The following PARM1 variants were observed in gnomAD, a reference collection of about 807,000 sequenced individuals.
PARM1 encodes WSC4, cell wall integrity and stress response component 4 homolog.
In PARM1, 14 loss-of-function variants were observed where a neutral mutation model predicts 24.6. The ratio of observed to expected loss-of-function variants is 0.57; its 90% confidence interval spans 0.38 to 0.89. The LOEUF (loss-of-function observed/expected upper bound fraction) is 0.89. Among genes scored for constraint, PARM1 ranks in the 40% least tolerant of loss-of-function variants. PARM1 has a pLI of 0.00. For missense variants in PARM1, 362 were observed against 380.4 expected, an observed-to-expected ratio of 0.95 and a Z score of 0.40; for synonymous variants, 179 against 156.6, an observed-to-expected ratio of 1.14 and a Z score of -1.07.
At position 75,020,004 on chromosome 4, in the gene PARM1, C is replaced by T. The variant is rs572275201; in HGVS notation, c.769+6854C>T. ...CGGCCTGGGCGACAGAACGAGACTC[C>T]GTCTCAAAAAAAAAAAAAAAAAAAA... On this transcript the variant is annotated intron_variant, in intron 2 of 3. Coordinates refer to ENST00000307428, the MANE Select transcript of PARM1 (RefSeq NM_015393.4). Among the ~76,000 whole-genome samples the T allele has an allele frequency of 4.3e-3, 430 of 100,468 alleles. 9 individuals are homozygous for T. Among genetic ancestry groups the T allele is most frequent in the Admixed American group, 0.036 (269 of 7,470 alleles). The allele number at this position is 100,468 out of a possible 152,430, so 65.9% of individuals were successfully genotyped here.
intron 1 of PARM1, among the ~76,000 whole-genome samples, chr4:74,983,633 C>T (rs552850708): frequency 6.6e-6 from 1 of 152,216 alleles, no homozygotes; most frequent in African/African-American, 2.4e-5. Context: ...TCCCCTCCTG[C>T]TCCCATGTAC....
chr4:75,030,401 C>G (rs552876171), intron 2 of PARM1, among the ~76,000 whole-genome samples: 1 of 152,106 alleles, frequency 6.6e-6, no homozygotes, highest in Non-Finnish European at 1.5e-5. Context: ...TGTGCATAGT[C>G]TCAGCCCAAA....
intron 3 of PARM1, among the ~76,000 whole-genome samples, chr4:75,041,746 A>G (rs1306917405): frequency 2.0e-5 from 3 of 152,134 alleles, no homozygotes; most frequent in Admixed American, 2.0e-4. Context: ...GTCACCAAGT[A>G]GGGGCAGGGA....
At chr4:74,975,671 A>G (rs899396514) in intron 1 of PARM1, among the ~76,000 whole-genome samples, 6 of 152,240 alleles carry the variant, frequency 3.9e-5, no homozygotes, top group African/African-American at 1.4e-4. Context: ...TGGTAGTTCA[A>G]CAACTTCTGT....
At chr4:75,031,668 A>C (rs2109807801) in intron 2 of PARM1, among the ~76,000 whole-genome samples, 1 of 152,338 alleles carries the variant, frequency 6.6e-6, no homozygotes, top group African/African-American at 2.4e-5. Context: ...CTTTGAAAAA[A>C]GGCCAAACCT....
At chr4:74,988,820 G>A (rs1233763560) in intron 1 of PARM1, among the ~76,000 whole-genome samples, 1 of 152,112 alleles carries the variant, frequency 6.6e-6, no homozygotes, top group Non-Finnish European at 1.5e-5. Flanking sequence ...AGGCAAAATG[G>A]GCCTGAGAGA....
intron 1 of PARM1, among the ~76,000 whole-genome samples, chr4:74,938,567 G>A (rs1216232448): frequency 6.6e-6 from 1 of 152,154 alleles, no homozygotes; most frequent in Non-Finnish European, 1.5e-5. Flanking sequence ...TTTGCTTTTT[G>A]CCTAGAAATA....
chr4:74,933,468 GC>G, intron 1 of PARM1, 98 bp downstream of exon 1: 5 of 1,032,104 alleles, frequency 4.8e-6, no homozygotes, highest in Non-Finnish European at 7.6e-6. Flanking sequence ...GCAGTGAGTC[GC>G]CGCGCGCCTC....
At chr4:75,044,315 G>A (rs1202031710) in intron 3 of PARM1, among the ~76,000 whole-genome samples, 1 of 152,148 alleles carries the variant, frequency 6.6e-6, no homozygotes, top group African/African-American at 2.4e-5. Flanking sequence ...GGTAACAAAT[G>A]CTCATTTTGT....
At chr4:74,972,831 CA>C (rs1419728362) in intron 1 of PARM1, among the ~76,000 whole-genome samples, 1 of 152,112 alleles carries the variant, frequency 6.6e-6, no homozygotes, top group Non-Finnish European at 1.5e-5. Context: ...TCAATGTGTC[CA>C]GGCAGTAAGG....
intron 1 of PARM1, among the ~76,000 whole-genome samples, chr4:75,008,379 A>G (rs1399716428): frequency 1.3e-5 from 2 of 152,162 alleles, no homozygotes; most frequent in Non-Finnish European, 2.9e-5. Context: ...AAGATTAAAC[A>G]AGAAAATGGA....
intron 1 of PARM1, among the ~76,000 whole-genome samples, chr4:74,990,184 G>C (rs1473247718): frequency 1.3e-5 from 2 of 152,150 alleles, no homozygotes; most frequent in Admixed American, 6.6e-5. Context: ...GGAAGGATCA[G>C]ATTGGCAGGG....
chr4:74,953,872 GA>G (rs1721578797), intron 1 of PARM1, among the ~76,000 whole-genome samples: 1 of 152,212 alleles, frequency 6.6e-6, no homozygotes, highest in Admixed American at 6.5e-5. Context: ...CCCAGGAAGA[GA>G]AAGGGAAGTG....
chr4:75,007,845 A>C lies in PARM1; in HGVS notation c.44-4580A>C, dbSNP rs370719246. Among the ~76,000 whole-genome samples, 509 of 152,330 alleles carry C rather than the reference A, an allele frequency of 3.3e-3. 6 individuals carry two copies. Among genetic ancestry groups the C allele is most frequent in the African/African-American group, 0.011 (474 of 41,566 alleles). On this transcript the variant is annotated intron_variant, in intron 1 of 3. Coordinates refer to ENST00000307428, the MANE Select transcript of PARM1 (RefSeq NM_015393.4). ...GAACTTACTCTCTGTCTTCACTCGC[A>C]TGCCATGTGAGGAAAGGTCACGTGA...
chr4:75,005,307 A>T (rs1294159603), intron 1 of PARM1, among the ~76,000 whole-genome samples: 1 of 152,216 alleles, frequency 6.6e-6, no homozygotes, highest in African/African-American at 2.4e-5. Flanking sequence ...GCTTTGCCAC[A>T]TGTTTTCTCA....
intron 1 of PARM1, among the ~76,000 whole-genome samples, chr4:75,005,122 A>C (rs1024806311): frequency 1.3e-5 from 2 of 152,218 alleles, no homozygotes; most frequent in African/African-American, 4.8e-5. Context: ...CCTTTTCAGC[A>C]GTTCACGATG....
intron 2 of PARM1, among the ~76,000 whole-genome samples, chr4:75,021,586 G>GTT (rs112520326): frequency 0.037 from 5,569 of 151,506 alleles, 355 homozygotes; most frequent in African/African-American, 0.13. Flanking sequence ...GCTATAGTTA[G>GTT]TTTTTTTTTA....
intron 1 of PARM1, among the ~76,000 whole-genome samples, chr4:74,957,781 C>A (rs983385002): frequency 6.6e-6 from 1 of 152,060 alleles, no homozygotes; most frequent in Non-Finnish European, 1.5e-5. Context: ...AACTGTGCAC[C>A]AAGACCTTTG....
intron 1 of PARM1, chr4:74,967,489 G>A (rs1053807823): frequency 6.6e-5 from 10 of 152,264 alleles, no homozygotes; most frequent in African/African-American, 1.7e-4. Flanking sequence ...GACAGATTGC[G>A]TCATGGAGAG....
Sources: allele counts gnomAD v4.1 joint callset (sites outside exome capture counted in the v4.1 genomes callset), GRCh38; gene constraint gnomAD v4.1.1; transcripts MANE v1.5; gene names NCBI Gene and HGNC (gene_info 2026-07-23, HGNC 2026-07-21).